The following PLEKHA4 variants were observed in gnomAD, a reference collection of about 807,000 sequenced individuals.
The protein encoded by PLEKHA4 is pleckstrin homology domain-containing family A member 4.
PLEKHA4 carries 73 observed loss-of-function variants against 94.7 expected under a neutral mutation model. The ratio of observed to expected loss-of-function variants is 0.77; its 90% CI spans 0.64 to 0.94. The LOEUF (loss-of-function observed/expected upper bound fraction) is 0.94, where lower values mean the gene tolerates loss of function less well. Ranked by LOEUF, PLEKHA4 falls within the 40% of genes least tolerant of loss-of-function variation. The probability of loss-of-function intolerance (pLI) is 0.00; values close to 1 mark genes in which losing one functional copy is unlikely to be tolerated. For missense variants in PLEKHA4, 1,049 were observed against 1,054.1 expected (o/e 1.00, Z 0.07); for synonymous variants, 449 against 437.1 (o/e 1.03, Z -0.34).
At chr19:48,858,159 CA>C (rs2036496263) in intron 8 of PLEKHA4, among the ~76,000 whole-genome samples, 1 of 152,168 alleles carries the variant, frequency 6.6e-6, no homozygotes, top group South Asian at 2.1e-4. Context: ...CTCTCATTCT[CA>C]GACTTGCAGT....
At position 48,837,224 on chromosome 19, in the gene PLEKHA4, C is replaced by T; in HGVS notation, c.*65G>A. 6.2e-7 allele frequency: 1 copy of T among 1,611,862 alleles called. No homozygotes were observed. Among genetic ancestry groups the T allele is most frequent in the Non-Finnish European group, 8.5e-7 (1 of 1,178,290 alleles). On this transcript the variant is annotated 3_prime_UTR_variant, in exon 20 of 20. Coordinates refer to ENST00000263265, the MANE Select transcript of PLEKHA4 (RefSeq NM_020904.3). This position sits in a 1 kb window ranked among gnomAD's most constrained non-coding sequence, Gnocchi z 4.3. ...CGCCCCCTGATGCCCTGAGTGGTCC[C>T]AGATCTCCGGCGGTACCTCCAGACC...
At chr19:48,848,349 A>G (rs1472697029) in intron 13 of PLEKHA4, among the ~76,000 whole-genome samples, 3 of 151,004 alleles carry the variant, frequency 2.0e-5, no homozygotes, top group African/African-American at 7.3e-5. Context: ...AGCCGGGCGT[A>G]GTGGCGGGCA....
intron 9 of PLEKHA4, among the ~76,000 whole-genome samples, chr19:48,857,197 A>G (rs1198845899): frequency 3.3e-5 from 5 of 152,078 alleles, no homozygotes; most frequent in Non-Finnish European, 7.4e-5. Flanking sequence ...AGCCCTGCCA[A>G]TCCCTTGACT....
chr19:48,845,526 G>A lies in PLEKHA4; in HGVS notation c.1657C>T (p.Pro553Ser), dbSNP rs2035935060. 1.9e-6 allele frequency: 3 copies of A among 1,612,226 alleles called. No individual in the cohort carries two copies. The highest frequency in any genetic ancestry group is 2.5e-6 in the Non-Finnish European group (3 of 1,178,804). ...PPGGDKDLAS[P>S]HLGLGSPRVS... ...CAACCAGGATGCTCACCTAAGTGAG[G>A]GCTGGCGAGGTCTTTGTCGCCTCCA... is the stretch of plus-strand genomic sequence containing the variant. The change falls in exon 15 of 20, where the codon CCT becomes TCT. Residue 553 changes from proline (P) to serine (S), a missense_variant. Coordinates refer to ENST00000263265, the MANE Select transcript of PLEKHA4 (RefSeq NM_020904.3).
Position 48,837,517 on chromosome 19 carries a change from G to C in PLEKHA4, c.2112C>G (p.Pro704=). The C allele has an allele frequency of 1.2e-6, 2 of 1,613,178 alleles. No homozygotes were observed. Among genetic ancestry groups the C allele is most frequent in the Non-Finnish European group, 1.7e-6 (2 of 1,179,628 alleles). Residue 704 remains proline, a synonymous_variant, in exon 20 of 20, where the codon CCC becomes CCG. Transcript: ENST00000263265. The surrounding 1 kb of genome is among the most constrained non-coding windows in gnomAD (Gnocchi z 4.3). ...GGTCCGAAGGAGGCAGCGGCACACCGGGAAGAGGGTCTCCCTGGGAGTCCA... is the reference window on the plus strand; with the variant it reads ...GGTCCGAAGGAGGCAGCGGCACACCCGGAAGAGGGTCTCCCTGGGAGTCCA... The part of the protein sequence containing the change: ...GNLDSQGDPL[P]GVPLPPSDPT...
At chr19:48,855,691 A>C (rs2036377378) in intron 9 of PLEKHA4, among the ~76,000 whole-genome samples, 1 of 152,050 alleles carries the variant, frequency 6.6e-6, no homozygotes, top group Admixed American at 6.6e-5. Context: ...AGGGAGGCTG[A>C]GGTGGGAGTA....
chr19:48,855,946 G>A (rs908178920), intron 9 of PLEKHA4, among the ~76,000 whole-genome samples: 1 of 151,960 alleles, frequency 6.6e-6, no homozygotes, highest in Non-Finnish European at 1.5e-5. Context: ...GCCGAGGCAG[G>A]CAGATCACCT....
At chr19:48,838,628 A>G (rs1599859193) in intron 18 of PLEKHA4, among the ~76,000 whole-genome samples, 1 of 151,590 alleles carries the variant, frequency 6.6e-6, no homozygotes, top group Non-Finnish European at 1.5e-5. Flanking sequence ...TTAGCCAGGC[A>G]TGGTGGTGGG....
intron 6 of PLEKHA4, chr19:48,860,136 G>C: frequency 1.7e-6 from 1 of 589,956 alleles, no homozygotes; most frequent in Non-Finnish European, 3.0e-6. Context: ...CAGCTTGGGG[G>C]CGGGGACGGA....
At chr19:48,839,951 A>T (rs2035689299) in intron 17 of PLEKHA4, among the ~76,000 whole-genome samples, 1 of 151,618 alleles carries the variant, frequency 6.6e-6, no homozygotes, top group Non-Finnish European at 1.5e-5. Context: ...AATACAAAAA[A>T]AAAAAAATTA....
intron 3 of PLEKHA4, among the ~76,000 whole-genome samples, chr19:48,862,838 CA>C (rs2036696677): frequency 1.3e-5 from 2 of 152,230 alleles, no homozygotes; most frequent in Non-Finnish European, 2.9e-5. Context: ...TGCTCTGGAA[CA>C]AGTCATTTCC....
rs566911713 is a variant in PLEKHA4 at position 48,854,166 on chromosome 19, T to A, written c.1095+51A>T. ...CCGCTCCTCCCATCATCTAGAACAT[T>A]CTCTCCCCAACTCTGGGAACTCAGC... On this transcript the variant is annotated intron_variant, in intron 10 of 19. Transcript: ENST00000263265. 358 of 1,606,448 alleles carry A rather than the reference T, an allele frequency of 2.2e-4. 4 individuals carry two copies. In the South Asian group the frequency reaches 3.7e-3, roughly 17 times the overall value.
chr19:48,856,491 G>A (rs1233831107), intron 9 of PLEKHA4, among the ~76,000 whole-genome samples: 7 of 152,026 alleles, frequency 4.6e-5, no homozygotes, highest in South Asian at 2.1e-4. Context: ...AGGCCGAGGC[G>A]GGAGGATCAC....
At position 48,854,023 on chromosome 19, in the gene PLEKHA4, T is replaced by C; in HGVS notation, c.1160A>G (p.Gln387Arg). ...GCCCCGCACCTTCTCCTCCTGCTTC[T>C]GGTCTATCTCCTCCTGCAGCCTCCG... Reference protein sequence around the residue: ...LLRRLQEEIDQKQEEKEQLEA... With the variant: ...LLRRLQEEIDRKQEEKEQLEA... Residue 387 changes from glutamine (Q) to arginine (R), a missense_variant, in exon 11 of 20, where the codon CAG (glutamine) becomes CGG (arginine). Gln to Arg is a conservative substitution (Grantham distance 43). Coordinates refer to ENST00000263265, the MANE Select transcript of PLEKHA4 (RefSeq NM_020904.3). 1 of 1,614,158 alleles carries C rather than the reference T, an allele frequency of 6.2e-7. No individual in the cohort carries two copies.
chr19:48,841,463 C>T (rs985893789), intron 16 of PLEKHA4, among the ~76,000 whole-genome samples, 153 bp from the exon 17 acceptor site: 10 of 151,978 alleles, frequency 6.6e-5, no homozygotes, highest in Non-Finnish European at 1.0e-4. Flanking sequence ...ACCATCTCTA[C>T]TAAAAATACA....
Position 48,867,959 on chromosome 19 carries a change from GCTAC to G in PLEKHA4, c.-7+120_-7+123del. ...CCCTGCCTCCTTCCGGCTGCCCCAG[GCTAC>G]CTGTCTCCCGCCCTCCCACATGCAC... is the stretch of plus-strand genomic sequence containing the variant. On this transcript the variant is annotated intron_variant, in intron 1 of 19. Coordinates refer to ENST00000263265, the MANE Select transcript of PLEKHA4 (RefSeq NM_020904.3). This position sits in a 1 kb window ranked among gnomAD's most constrained non-coding sequence, Gnocchi z 4.7. 1 of 270,774 alleles carries G rather than the reference GCTAC, an allele frequency of 3.7e-6. No individual in the cohort carries two copies. Among genetic ancestry groups the G allele is most frequent in the Non-Finnish European group, 7.1e-6 (1 of 141,284 alleles). 16.8% of individuals were successfully genotyped at this position (270,774 alleles called of 1,614,324 possible). A position where few individuals can be genotyped will look rare whatever the true frequency, so the allele number is the denominator to read the frequency against.
intron 13 of PLEKHA4, among the ~76,000 whole-genome samples, chr19:48,850,116 G>C (rs2036124939): frequency 1.3e-5 from 2 of 151,726 alleles, no homozygotes; most frequent in African/African-American, 2.4e-5. Context: ...TGAGGCAGGA[G>C]AATCACTTGA....
intron 16 of PLEKHA4, among the ~76,000 whole-genome samples, chr19:48,844,157 T>TATTATC (rs2035876629): frequency 9.9e-6 from 1 of 100,972 alleles, no homozygotes; most frequent in Non-Finnish European, 2.2e-5. Context: ...TTATTATTAT[T>TATTATC]ATTATTATTA....
chr19:48,858,125 C>T (rs1387240052), intron 8 of PLEKHA4, among the ~76,000 whole-genome samples: 3 of 151,992 alleles, frequency 2.0e-5, no homozygotes, highest in Non-Finnish European at 4.4e-5. Context: ...GCAAAACAGC[C>T]CCACAAGATG....
Sources: allele counts gnomAD v4.1 joint callset (sites outside exome capture counted in the v4.1 genomes callset), GRCh38; gene constraint gnomAD v4.1.1; non-coding constraint Gnocchi (gnomAD v3.1); transcripts MANE v1.5; gene names NCBI Gene and HGNC (gene_info 2026-07-23, HGNC 2026-07-21).